The following DLG2 variants were observed in gnomAD, a reference collection of about 807,000 sequenced individuals.
DLG2 encodes the protein discs large MAGUK scaffold protein 2.
Under a neutral mutation model 132.5 loss-of-function variants are expected in DLG2, and 45 were observed. That is an observed-to-expected ratio of 0.34 (90% CI 0.27 to 0.44). The LOEUF (loss-of-function observed/expected upper bound fraction) is 0.44, where lower values mean the gene tolerates loss of function less well. DLG2 is among the 20% of genes least tolerant of loss of function. The probability of loss-of-function intolerance (pLI) is 1.00; values close to 1 mark genes in which losing one functional copy is unlikely to be tolerated. For missense variants in DLG2, 1,045 were observed against 1,196.9 expected (o/e 0.87, Z 1.87); for synonymous variants, 424 against 419.6 (o/e 1.01, Z -0.13).
chr11:83,980,431 C>A, intron 12 of DLG2, 75 bp downstream of exon 12: 2 of 1,454,198 alleles, frequency 1.4e-6, no homozygotes, highest in Non-Finnish European at 1.8e-6. Context: ...GCAGCCTGAA[C>A]TGACAAAGAC....
chr11:83,495,154 G>A (rs952101174), intron 21 of DLG2, among the ~76,000 whole-genome samples: 2 of 152,130 alleles, frequency 1.3e-5, no homozygotes, highest in African/African-American at 4.8e-5. Context: ...TCAGCTCTGT[G>A]TCATCTAATT....
intron 18 of DLG2, among the ~76,000 whole-genome samples, chr11:83,724,458 C>CGTGTGTGTGTGTGTGTGT (rs150976898): frequency 2.5e-5 from 3 of 121,502 alleles, no homozygotes; most frequent in Admixed American, 8.5e-5. Context: ...TCTCTCTCTC[C>CGTGTGTGTGTGTGTGTGT]GTGTGTGTGT....
At chr11:85,161,960 C>G (rs1196204420) in intron 4 of DLG2, among the ~76,000 whole-genome samples, 1 of 152,128 alleles carries the variant, frequency 6.6e-6, no homozygotes, top group African/African-American at 2.4e-5. Context: ...CCTCGTGATC[C>G]ACTAGCAAAA....
intron 6 of DLG2, among the ~76,000 whole-genome samples, chr11:84,945,138 T>G (rs1461619459): frequency 6.6e-6 from 1 of 152,210 alleles, no homozygotes; most frequent in African/African-American, 2.4e-5. Context: ...AGGTATTTAT[T>G]GTAGTCTTTA....
chr11:84,856,412 C>G (rs1013621897), intron 6 of DLG2, among the ~76,000 whole-genome samples: 3 of 152,040 alleles, frequency 2.0e-5, no homozygotes, highest in African/African-American at 7.2e-5. Flanking sequence ...GGCTTCCTTC[C>G]TTGTGTTGTA....
At chr11:85,360,761 A>C (rs2152899673) in intron 3 of DLG2, among the ~76,000 whole-genome samples, 1 of 152,306 alleles carries the variant, frequency 6.6e-6, no homozygotes, top group Middle Eastern at 3.4e-3. Context: ...GAGTGATTCA[A>C]CTTCAAAATT....
intron 3 of DLG2, among the ~76,000 whole-genome samples, chr11:85,397,747 G>A (rs889077360): frequency 9.2e-5 from 14 of 152,046 alleles, no homozygotes; most frequent in Admixed American, 6.6e-4. Context: ...ATATATATGC[G>A]CCCAATACAG....
chr11:84,314,588 A>C (rs2154393915), intron 7 of DLG2, among the ~76,000 whole-genome samples: 1 of 152,258 alleles, frequency 6.6e-6, no homozygotes, highest in African/African-American at 2.4e-5. Context: ...AGGAAATAAA[A>C]TTTACATGAA....
intron 3 of DLG2, among the ~76,000 whole-genome samples, chr11:85,303,620 A>G (rs1189397650): frequency 6.6e-6 from 1 of 152,194 alleles, no homozygotes; most frequent in East Asian, 1.9e-4. Flanking sequence ...ACTATCATGT[A>G]TCAGAGTTGA....
At chr11:84,479,403 A>C (rs923744979) in intron 7 of DLG2, among the ~76,000 whole-genome samples, 1 of 152,040 alleles carries the variant, frequency 6.6e-6, no homozygotes, top group African/African-American at 2.4e-5. Context: ...CCTTTATTCC[A>C]TCTTACTCTT....
intron 3 of DLG2, among the ~76,000 whole-genome samples, chr11:85,525,955 A>C (rs2074711951): frequency 6.6e-6 from 1 of 152,198 alleles, no homozygotes; most frequent in Non-Finnish European, 1.5e-5. Flanking sequence ...AGAGGAAACT[A>C]TCTGAAGCTG....
chr11:84,273,415 C>G lies in DLG2; in HGVS notation c.520-22124G>C, dbSNP rs572167839. ...GACTTAAAAAAAAAGTTAATCAGAACATTTCTTTTGGGGGATAACTGGGCA... is the reference window on the plus strand; with the variant it reads ...GACTTAAAAAAAAAGTTAATCAGAAGATTTCTTTTGGGGGATAACTGGGCA... On this transcript the variant is annotated intron_variant, in intron 7 of 27. Coordinates refer to ENST00000376104, the MANE Select transcript of DLG2 (RefSeq NM_001142699.3). 9 of 1,210,250 alleles carry G rather than the reference C, an allele frequency of 7.4e-6. No individual in the cohort carries two copies. In the African/African-American group the frequency reaches 1.3e-4, roughly 17 times the overall value. The allele number at this position is 1,210,250 out of a possible 1,614,324, so 75.0% of individuals were successfully genotyped here.
intron 3 of DLG2, among the ~76,000 whole-genome samples, chr11:85,497,116 A>G (rs1195088799): frequency 5.9e-5 from 9 of 152,132 alleles, no homozygotes; most frequent in African/African-American, 2.2e-4. Flanking sequence ...GAAAGTCACT[A>G]ATAACAAACT....
At chr11:85,595,616 C>T (rs1358726242) in intron 3 of DLG2, among the ~76,000 whole-genome samples, 1 of 151,994 alleles carries the variant, frequency 6.6e-6, no homozygotes, top group Non-Finnish European at 1.5e-5. Context: ...ACTTTTTCTA[C>T]TCTCAGTTAT....
intron 3 of DLG2, among the ~76,000 whole-genome samples, chr11:85,364,015 A>G (rs548648014): frequency 6.6e-6 from 1 of 152,280 alleles, no homozygotes; most frequent in South Asian, 2.1e-4. Context: ...ATTTGTCAGA[A>G]AGTATATATA....
chr11:84,840,783 T>C (rs1044514438), intron 6 of DLG2, among the ~76,000 whole-genome samples: 3 of 151,934 alleles, frequency 2.0e-5, no homozygotes, highest in Admixed American at 6.6e-5. Flanking sequence ...TAGCTGGGAA[T>C]TGAACAATGA....
chr11:85,508,819 G>C (rs2093993701), intron 3 of DLG2, among the ~76,000 whole-genome samples: 1 of 151,966 alleles, frequency 6.6e-6, no homozygotes, highest in Non-Finnish European at 1.5e-5. Flanking sequence ...CAGTAAAATA[G>C]CACCTAGCTT....
chr11:84,301,214 G>A (rs1182513214), intron 7 of DLG2, among the ~76,000 whole-genome samples: 2 of 151,986 alleles, frequency 1.3e-5, no homozygotes, highest in African/African-American at 4.8e-5. Flanking sequence ...ATGGGTTTTG[G>A]TAGAAAAAGA....
intron 3 of DLG2, among the ~76,000 whole-genome samples, chr11:85,484,324 T>C (rs1443939651): frequency 6.9e-6 from 1 of 144,244 alleles, no homozygotes; most frequent in East Asian, 2.0e-4. Flanking sequence ...CCAAAAGCAA[T>C]GGCAACAAAA....
Sources: allele counts gnomAD v4.1 joint callset (sites outside exome capture counted in the v4.1 genomes callset), GRCh38; gene constraint gnomAD v4.1.1; transcripts MANE v1.5; gene names NCBI Gene and HGNC (gene_info 2026-07-23, HGNC 2026-07-21).